The following ZNF845 variants were observed in gnomAD, a reference collection of about 807,000 sequenced individuals.
ZNF845 encodes zinc finger protein 845.
Under a neutral mutation model 76.1 loss-of-function variants are expected in ZNF845, and 59 were observed. The ratio of observed to expected loss-of-function variants is 0.78; its 90% confidence interval spans 0.63 to 0.96. The LOEUF is 0.96. Among genes scored for constraint, ZNF845 ranks in the 40% least tolerant of loss-of-function variants. The pLI, the probability that ZNF845 is intolerant of heterozygous loss-of-function variation, is 0.00. For missense variants in ZNF845, 1,045 were observed against 1,172.8 expected (o/e 0.89, Z 1.59); for synonymous variants, 361 against 386.9 (o/e 0.93, Z 0.78).
intron 1 of ZNF845, among the ~76,000 whole-genome samples, chr19:53,334,572 A>G (rs1221047335): frequency 6.6e-6 from 1 of 151,674 alleles, no homozygotes; most frequent in Non-Finnish European, 1.5e-5. Flanking sequence ...GGAGAATGAG[A>G]GATATGTACA....
intron 2 of ZNF845, among the ~76,000 whole-genome samples, chr19:53,341,727 A>G (rs1021490665): frequency 1.1e-4 from 17 of 152,194 alleles, no homozygotes; most frequent in African/African-American, 3.9e-4. Context: ...AATTCTAGAA[A>G]AGGTGACCAA....
intron 1 of ZNF845, among the ~76,000 whole-genome samples, chr19:53,338,151 C>T (rs2085229065): frequency 2.0e-5 from 3 of 152,080 alleles, no homozygotes; most frequent in African/African-American, 7.2e-5. Flanking sequence ...AGACTCAGGG[C>T]CTGGGGCAAG....
chr19:53,351,019 A>G lies in ZNF845; in HGVS notation c.344A>G (p.Glu115Gly). 1 of 1,614,210 alleles carries G rather than the reference A, an allele frequency of 6.2e-7. No individual in the cohort carries two copies. The highest frequency in any genetic ancestry group is 8.5e-7 in the Non-Finnish European group (1 of 1,180,030). Residue 115 changes from glutamate to glycine, a missense_variant, in exon 4 of 4, where the codon GAA becomes GGA. Coordinates refer to ENST00000458035, the MANE Select transcript of ZNF845 (RefSeq NM_138374.3). ...AATAGCCATGAAGCACCCATGACAG[A>G]AATCAAACAGTTGACGGGTAGTACA... is the stretch of plus-strand genomic sequence containing the variant. ...ERNSHEAPMT[E>G]IKQLTGSTNR...
rs554809835 is a variant in ZNF845, at chr19:53,350,756, C to T, written c.143-62C>T. On this transcript the variant is annotated intron_variant, in intron 3 of 3. Transcript: ENST00000458035. ...TATTGTTTTTAGTGTCACATTTACACATTTCAGTATTATTTACCATCTATA... is the reference window on the plus strand; with the variant it reads ...TATTGTTTTTAGTGTCACATTTACATATTTCAGTATTATTTACCATCTATA... 92 of 1,545,280 alleles carry T rather than the reference C, an allele frequency of 6.0e-5. 2 individuals carry two copies. The South Asian group carries it at 9.9e-4, about 17-fold the overall frequency.
rs764578218 is a variant in ZNF845 at position 53,351,880 on chromosome 19, G to A, written c.1205G>A (p.Arg402His). The A allele has an allele frequency of 2.3e-5, 37 of 1,611,804 alleles. No homozygotes were observed. Among genetic ancestry groups the A allele is most frequent in the Admixed American group, 1.7e-4 (10 of 59,736 alleles). Residue 402 changes from arginine (R) to histidine (H), a missense_variant, in exon 4 of 4, where the codon CGT becomes CAT. Physicochemically the swap from Arg to His is conservative, Grantham distance 29. Coordinates refer to ENST00000458035, the MANE Select transcript of ZNF845 (RefSeq NM_138374.3). Reference protein sequence around the residue: ...FSRKSSLTRHRRLHTGEKPYK... With the variant: ...FSRKSSLTRHHRLHTGEKPYK... ...CGGAAGTCATCCCTTACACGCCATC[G>A]TAGACTTCATACTGGAGAGAAACCT...
chr19:53,344,615 T>TTATG (rs59952944), intron 2 of ZNF845, among the ~76,000 whole-genome samples: 3 of 132,354 alleles, frequency 2.3e-5, no homozygotes, highest in African/African-American at 6.3e-5. Context: ...TTTATTTTAT[T>TTATG]TTATTTTATT....
chr19:53,346,523 A>G (rs1031740517), intron 3 of ZNF845: 1 of 261,272 alleles, frequency 3.8e-6, no homozygotes, highest in Non-Finnish European at 7.8e-6. Context: ...TCTACTAAAA[A>G]TACAAAAATT....
At chr19:53,337,900 C>G (rs1187286453) in intron 1 of ZNF845, among the ~76,000 whole-genome samples, 1 of 152,110 alleles carries the variant, frequency 6.6e-6, no homozygotes, top group Non-Finnish European at 1.5e-5. Context: ...AGGGTTTCAC[C>G]TTGTTGGCCA....
rs376467962 is a variant in ZNF845, at chr19:53,350,847, T to A, written c.172T>A (p.Phe58Ile). The stretch of plus-strand genomic sequence containing the variant: ...CTCTTCCAAATGCATGATGAAGGAG[T>A]TCTCATCAACAGCACAAGGCAATAC... Reference protein sequence around the residue: ...DISSKCMMKEFSSTAQGNTEV... With the variant: ...DISSKCMMKEISSTAQGNTEV... The change falls in exon 4 of 4, where the codon TTC becomes ATC. Residue 58 changes from phenylalanine (F) to isoleucine (I), a missense_variant. Coordinates refer to ENST00000458035, the MANE Select transcript of ZNF845 (RefSeq NM_138374.3). 11 of 1,613,484 alleles carry A rather than the reference T, an allele frequency of 6.8e-6. No homozygotes were observed. The highest frequency in any genetic ancestry group is 9.3e-6 in the Non-Finnish European group (11 of 1,179,796).
rs1302263095 is a variant in ZNF845 at position 53,352,951 on chromosome 19, A to C, written c.2276A>C (p.Lys759Thr). ...CEECDKVFSR[K>T]SSLEKHRRIH... ...GAATGTGACAAAGTTTTCAGTCGCA[A>C]ATCAAGCCTTGAAAAACACAGGAGA... The change falls in exon 4 of 4, where the codon AAA becomes ACA. Residue 759 changes from lysine (K) to threonine (T), a missense_variant. By Grantham distance (78) the Lys-to-Thr change is moderately conservative. Coordinates refer to ENST00000458035, the MANE Select transcript of ZNF845 (RefSeq NM_138374.3). 6.2e-7 allele frequency: 1 copy of C among 1,614,152 alleles called. No homozygotes were observed. Among genetic ancestry groups the C allele is most frequent in the African/African-American group, 1.3e-5 (1 of 75,056 alleles).
At chr19:53,345,744 G>A (rs776258522) in intron 3 of ZNF845, 112 bp downstream of exon 3, 107 of 1,552,580 alleles carry the variant, frequency 6.9e-5, no homozygotes, top group Non-Finnish European at 8.4e-5. Context: ...GTGAAATGGT[G>A]TGATCATGTC....
At chr19:53,340,015 T>C (rs2085244998) in intron 1 of ZNF845, among the ~76,000 whole-genome samples, 2 of 152,028 alleles carry the variant, frequency 1.3e-5, no homozygotes, top group Non-Finnish European at 2.9e-5. Context: ...CCCAAGTAGC[T>C]GGGACTACAG....
rs181357394 is a variant in ZNF845, at chr19:53,351,815, G to A, written c.1140G>A (p.Glu380=). The A allele has an allele frequency of 3.3e-5, 53 of 1,613,786 alleles. No homozygotes were observed. Among genetic ancestry groups the A allele is most frequent in the Non-Finnish European group, 4.0e-5 (47 of 1,179,950 alleles). The part of the protein sequence containing the change: ...LERHRKIHTG[E]KPYKCNECSR... Reference sequence around the variant, plus strand: ...GACATAGGAAAATTCATACTGGAGAGAAACCTTACAAGTGTAATGAATGCA... The same window carrying A: ...GACATAGGAAAATTCATACTGGAGAAAAACCTTACAAGTGTAATGAATGCA... The change falls in exon 4 of 4, where the codon GAG becomes GAA. Residue 380 remains glutamate (E), a synonymous_variant. Transcript: ENST00000458035.
In ZNF845 at chr19:53,341,300, A is replaced by G. The variant is rs1439524619; in HGVS notation, c.-8A>G. 6.2e-7 allele frequency: 1 copy of G among 1,613,812 alleles called. No individual in the cohort carries two copies. The highest frequency in any genetic ancestry group is 1.3e-5 in the African/African-American group (1 of 74,888). ...CGGAAGAGGAAGAGGAAAGCAAAGGAGTCAGGGATGGCTCTTTCTCAGGTG... is the reference window on the plus strand; with the variant it reads ...CGGAAGAGGAAGAGGAAAGCAAAGGGGTCAGGGATGGCTCTTTCTCAGGTG... On this transcript the variant is annotated 5_prime_UTR_variant, in exon 2 of 4. Coordinates refer to ENST00000458035, the MANE Select transcript of ZNF845 (RefSeq NM_138374.3).
intron 2 of ZNF845, among the ~76,000 whole-genome samples, chr19:53,343,410 G>C (rs1244485105): frequency 6.6e-6 from 1 of 152,156 alleles, no homozygotes; most frequent in East Asian, 1.9e-4. Context: ...ACAGATACCT[G>C]AAGATTCCTC....
At chr19:53,348,386 G>A (rs2085311021) in intron 3 of ZNF845, among the ~76,000 whole-genome samples, 1 of 152,166 alleles carries the variant, frequency 6.6e-6, no homozygotes, top group Non-Finnish European at 1.5e-5. Flanking sequence ...TTGGTTCCTG[G>A]TGAGAGCATT....
chr19:53,351,023 C>CA lies in ZNF845; in HGVS notation c.351dup (p.Gln118ThrfsTer5). The CA allele has an allele frequency of 6.2e-7, 1 of 1,614,140 alleles. No homozygotes were observed. The highest frequency in any genetic ancestry group is 2.2e-5 in the East Asian group (1 of 44,884). ...GCCATGAAGCACCCATGACAGAAAT[C>CA]AAACAGTTGACGGGTAGTACAAACC... On this transcript the variant is annotated frameshift_variant, in exon 4 of 4. Transcript: ENST00000458035. LOFTEE classifies it high-confidence loss of function.
At chr19:53,346,251 C>T (rs555723766) in intron 3 of ZNF845, 50 of 270,310 alleles carry the variant, frequency 1.8e-4, no homozygotes, top group South Asian at 1.0e-3. Flanking sequence ...TTACTTTTTG[C>T]GTTTAATTGC....
At chr19:53,347,842 A>G (rs2085307421) in intron 3 of ZNF845, among the ~76,000 whole-genome samples, 1 of 152,162 alleles carries the variant, frequency 6.6e-6, no homozygotes, top group Non-Finnish European at 1.5e-5. Context: ...ACTTGAAGTC[A>G]GGAGTTTGAA....
Sources: gnomAD v4.1 joint callset for allele counts (sites outside exome capture counted in the v4.1 genomes callset) on GRCh38, gnomAD v4.1.1 for gene constraint, MANE v1.5 for transcripts, NCBI Gene and HGNC (gene_info 2026-07-23, HGNC 2026-07-21) for gene names.